The following CTTN variants were observed in gnomAD, a reference collection of about 807,000 sequenced individuals.
CTTN encodes the protein cortactin, also known as src substrate cortactin.
In CTTN, 28 loss-of-function variants were observed where a neutral mutation model predicts 84.0. That is an observed-to-expected ratio of 0.33 (90% CI 0.25 to 0.46). The LOEUF (loss-of-function observed/expected upper bound fraction) is 0.46. Among genes scored for constraint, CTTN ranks in the 20% least tolerant of loss-of-function variants. The pLI, the probability that CTTN is intolerant of heterozygous loss-of-function variation, is 1.00. For synonymous variants in CTTN, 301 were observed against 288.8 expected (o/e 1.04, Z -0.43); for missense variants, 641 against 723.8 (o/e 0.89, Z 1.31).
At chr11:70,411,477 G>A (rs1042233534) in intron 5 of CTTN, among the ~76,000 whole-genome samples, 2 of 152,236 alleles carry the variant, frequency 1.3e-5, no homozygotes, top group African/African-American at 4.8e-5. Flanking sequence ...TGCAGTGAAC[G>A]AAGCAAGTAG....
At chr11:70,403,891 T>G (rs1413098906) in intron 1 of CTTN, among the ~76,000 whole-genome samples, 3 of 152,138 alleles carry the variant, frequency 2.0e-5, no homozygotes, top group Non-Finnish European at 4.4e-5. Flanking sequence ...TATGATTGAT[T>G]TATGTATGAG....
intron 5 of CTTN, among the ~76,000 whole-genome samples, chr11:70,412,585 T>C (rs2058106602): frequency 6.6e-6 from 1 of 152,130 alleles, no homozygotes; most frequent in East Asian, 1.9e-4. Flanking sequence ...AAAGAAGACA[T>C]TGAGGACAAG....
chr11:70,405,908 G>A (rs2058036661), intron 2 of CTTN, among the ~76,000 whole-genome samples: 1 of 152,238 alleles, frequency 6.6e-6, no homozygotes, highest in Non-Finnish European at 1.5e-5. Flanking sequence ...CTGCAGGCGG[G>A]CAGCCCCCTC....
intron 15 of CTTN, 142 bp from the exon 16 acceptor site, chr11:70,432,959 C>G (rs2058371350): frequency 1.2e-6 from 1 of 858,606 alleles, no homozygotes. Flanking sequence ...GCCTGGCCTT[C>G]CTATACCGCG....
At chr11:70,413,198 G>A (rs1035653119) in intron 5 of CTTN, among the ~76,000 whole-genome samples, 2 of 152,262 alleles carry the variant, frequency 1.3e-5, no homozygotes, top group Non-Finnish European at 2.9e-5. Flanking sequence ...TGCCTGCTGC[G>A]TCAGCACCGG....
intron 13 of CTTN, among the ~76,000 whole-genome samples, chr11:70,426,895 C>T (rs12799046): frequency 0.19 from 27,943 of 149,810 alleles, 3,229 homozygotes; most frequent in Admixed American, 0.26. Flanking sequence ...CCACTGTGCC[C>T]GGCCAAATTT....
intron 13 of CTTN, among the ~76,000 whole-genome samples, chr11:70,427,097 C>A (rs1483624332): frequency 6.6e-6 from 1 of 151,818 alleles, no homozygotes; most frequent in Non-Finnish European, 1.5e-5. Flanking sequence ...TACCTGTAAT[C>A]CCAGCACTCT....
At position 70,433,105 on chromosome 11, in the gene CTTN, C is replaced by T. The variant is rs868712207; in HGVS notation, c.1271C>T (p.Ala424Val). The T allele has an allele frequency of 1.2e-5, 20 of 1,612,788 alleles. No individual in the cohort carries two copies. Among genetic ancestry groups the T allele is most frequent in the Non-Finnish European group, 1.5e-5 (18 of 1,179,628 alleles). Reference protein sequence around the residue: ...RLPSSPVYEDAASFKAELSYR... With the variant: ...RLPSSPVYEDVASFKAELSYR... ...GTGCGTGTGACCCTTCCCCAGGATG[C>T]GGCTTCCTTCAAGGCAGAGCTGAGC... The change falls in exon 16 of 18, where the codon GCG becomes GTG. Residue 424 changes from alanine to valine, a missense_variant. Ala to Val is a moderately conservative substitution (Grantham distance 64). Coordinates refer to ENST00000301843, the MANE Select transcript of CTTN (RefSeq NM_005231.4).
At chr11:70,433,818 G>T in intron 17 of CTTN, 100 bp downstream of exon 17, 1 of 844,206 alleles carries the variant, frequency 1.2e-6, no homozygotes, top group Non-Finnish European at 2.0e-6. Context: ...GTTAGTTTTA[G>T]AAGTAATTTA....
In CTTN at chr11:70,435,618, C is replaced by T. The variant is rs1415204109; in HGVS notation, c.*456C>T. On this transcript the variant is annotated 3_prime_UTR_variant, in exon 18 of 18. Transcript: ENST00000301843. ...AGACGAGGGGCTTCCTCTAGAGTCTCACTGCTGGGGAGGAGAGGACTGGGC... is the reference window on the plus strand; with the variant it reads ...AGACGAGGGGCTTCCTCTAGAGTCTTACTGCTGGGGAGGAGAGGACTGGGC... The T allele has an allele frequency of 1.9e-6, 3 of 1,590,594 alleles. No individual in the cohort carries two copies. Among genetic ancestry groups the T allele is most frequent in the East Asian group, 2.2e-5 (1 of 44,636 alleles).
chr11:70,435,571 G>C lies in CTTN; in HGVS notation c.*409G>C, dbSNP rs1294068419. On this transcript the variant is annotated 3_prime_UTR_variant, in exon 18 of 18. Coordinates refer to ENST00000301843, the MANE Select transcript of CTTN (RefSeq NM_005231.4). ...GAGGCCTCAGGTCGGCCCTGTGGCG[G>C]GTAGGCAGGAAGGACTGTCCCAGAC... 1.3e-6 allele frequency: 2 copies of C among 1,565,216 alleles called. No homozygotes were observed. Among genetic ancestry groups the C allele is most frequent in the African/African-American group, 1.3e-5 (1 of 74,392 alleles).
At position 70,421,635 on chromosome 11, in the gene CTTN, C is replaced by G. The variant is rs989686893; in HGVS notation, c.901+55C>G. 2.5e-6 allele frequency: 3 copies of G among 1,212,410 alleles called. No homozygotes were observed. The Admixed American group carries it at 5.1e-5, about 21-fold the overall frequency. The allele number at this position is 1,212,410 out of a possible 1,614,324, so 75.1% of individuals were successfully genotyped here. A position where few individuals can be genotyped will look rare whatever the true frequency, so the allele number is the denominator to read the frequency against. On this transcript the variant is annotated intron_variant, in intron 11 of 17. Transcript: ENST00000301843. Reference sequence around the variant, plus strand: ...CCCCGACCCTCCTGTGCGGCCACTTCTAGCACAGACTTCAGGGCTCACCGT... The same window carrying G: ...CCCCGACCCTCCTGTGCGGCCACTTGTAGCACAGACTTCAGGGCTCACCGT...
At chr11:70,414,732 T>A in intron 6 of CTTN, 80 bp downstream of exon 6, 1 of 1,022,146 alleles carries the variant, frequency 9.8e-7, no homozygotes, top group Non-Finnish European at 1.5e-6. Flanking sequence ...GTTGGGCCAC[T>A]TGTAGTAGCA....
chr11:70,398,551 G>C lies in CTTN; in HGVS notation c.-161G>C, dbSNP rs1025176376. 6.6e-6 allele frequency: 1 copy of C among 152,170 alleles called. No individual in the cohort carries two copies. Among genetic ancestry groups the C allele is most frequent in the Non-Finnish European group, 1.5e-5 (1 of 68,080 alleles). 9.4% of individuals were successfully genotyped at this position (152,170 alleles called of 1,614,324 possible). Reference sequence around the variant, plus strand: ...CTCGGAACCGGAAGTAGAGCCTGGTGCCTGGGAGCGGCTGGCGCGGCGGAA... The same window carrying C: ...CTCGGAACCGGAAGTAGAGCCTGGTCCCTGGGAGCGGCTGGCGCGGCGGAA... On this transcript the variant is annotated 5_prime_UTR_variant, in exon 1 of 18. Coordinates refer to ENST00000301843, the MANE Select transcript of CTTN (RefSeq NM_005231.4).
intron 11 of CTTN, 132 bp from the exon 12 acceptor site, chr11:70,422,808 C>T (rs1331406209): frequency 4.6e-6 from 7 of 1,519,676 alleles, no homozygotes; most frequent in African/African-American, 1.4e-5. Flanking sequence ...TGAAGCCTCG[C>T]TTGGCCATTC....
rs184002409 is a variant in CTTN, at chr11:70,400,830, A to G, written c.-98+2216A>G. Among the ~76,000 whole-genome samples the G allele has an allele frequency of 3.8e-3, 578 of 152,340 alleles. 18 individuals are homozygous for G. Among genetic ancestry groups the G allele is most frequent in the Admixed American group, 0.032 (497 of 15,300 alleles). ...GCAGGCTTGGCTTTCACTGTGGCCCAGGCCCACCCCATCTGCTCACGCACT... is the reference window on the plus strand; with the variant it reads ...GCAGGCTTGGCTTTCACTGTGGCCCGGGCCCACCCCATCTGCTCACGCACT... On this transcript the variant is annotated intron_variant, in intron 1 of 17. Coordinates refer to ENST00000301843, the MANE Select transcript of CTTN (RefSeq NM_005231.4).
chr11:70,407,188 G>A lies in CTTN; in HGVS notation c.1-110G>A, dbSNP rs1033240636. ...AAGGATTGGCTGGTCCTGCAGCCTC[G>A]TCCTCCTGGGTTGCCTAGAATCTCG... On this transcript the variant is annotated intron_variant, in intron 2 of 17. Transcript: ENST00000301843. 20 of 798,114 alleles carry A rather than the reference G, an allele frequency of 2.5e-5. No homozygotes were observed. The African/African-American group carries it at 2.6e-4, about 10-fold the overall frequency. 49.4% of individuals were successfully genotyped at this position (798,114 alleles called of 1,614,324 possible).
chr11:70,417,005 C>G lies in CTTN; in HGVS notation c.458-8C>G, dbSNP rs112826323. On this transcript the variant is annotated splice_region_variant and splice_polypyrimidine_tract_variant and intron_variant, in intron 7 of 17. Coordinates refer to ENST00000301843, the MANE Select transcript of CTTN (RefSeq NM_005231.4). ...GCCCCCGTGCTAATTGCTGCCCTGT[C>G]TCTCCAGACTACTCCAGTGGTTTTG... 94 of 1,611,416 alleles carry G rather than the reference C, an allele frequency of 5.8e-5. 1 individual carries two copies. In the African/African-American group the frequency reaches 9.6e-4, roughly 16 times the overall value.
In CTTN at chr11:70,414,116, C is replaced by T. The variant is rs577117618; in HGVS notation, c.292-426C>T. Reference sequence around the variant, plus strand: ...ATCCCAGCACTTTGGGAGGCCGAGGCGGGTGGATCACAAGGTCAGGAGATG... The same window carrying T: ...ATCCCAGCACTTTGGGAGGCCGAGGTGGGTGGATCACAAGGTCAGGAGATG... On this transcript the variant is annotated intron_variant, in intron 5 of 17. Coordinates refer to ENST00000301843, the MANE Select transcript of CTTN (RefSeq NM_005231.4). Among the ~76,000 whole-genome samples, 70 of 152,080 alleles carry T rather than the reference C, an allele frequency of 4.6e-4. 1 individual carries two copies. The highest frequency in any genetic ancestry group is 1.0e-3 in the African/African-American group (43 of 41,482).
Sources: allele counts gnomAD v4.1 joint callset (sites outside exome capture counted in the v4.1 genomes callset), GRCh38; gene constraint gnomAD v4.1.1; transcripts MANE v1.5; gene names NCBI Gene and HGNC (gene_info 2026-07-23, HGNC 2026-07-21).